The following CCSER1 variants were observed in gnomAD, a reference collection of about 807,000 sequenced individuals.
CCSER1 encodes the protein serine-rich coiled-coil domain-containing protein 1.
Under a neutral mutation model 82.0 loss-of-function variants are expected in CCSER1, and 41 were observed. That is an observed-to-expected ratio of 0.50 (90% CI 0.39 to 0.65). The LOEUF is 0.65. Among genes scored for constraint, CCSER1 ranks in the 30% least tolerant of loss-of-function variants. The pLI is 0.00. For missense variants in CCSER1, 1,119 were observed against 1,064.2 expected (o/e 1.05, Z -0.72); for synonymous variants, 414 against 383.9 (o/e 1.08, Z -0.92).
chr4:91,181,420 G>A (rs1378674180), intron 10 of CCSER1, among the ~76,000 whole-genome samples: 1 of 152,162 alleles, frequency 6.6e-6, no homozygotes, highest in Non-Finnish European at 1.5e-5. Flanking sequence ...CCAGTTCCTG[G>A]CATTAAGGTC....
chr4:91,422,350 G>A (rs760347687), intron 10 of CCSER1, among the ~76,000 whole-genome samples: 10 of 152,014 alleles, frequency 6.6e-5, no homozygotes, highest in South Asian at 2.1e-4. Flanking sequence ...TCACACCACA[G>A]CACAGGGATC....
chr4:91,309,780 T>A (rs1745332557), intron 10 of CCSER1, among the ~76,000 whole-genome samples: 1 of 152,002 alleles, frequency 6.6e-6, no homozygotes, highest in Non-Finnish European at 1.5e-5. Context: ...CTTAGGTTTA[T>A]GAGGAATATC....
chr4:91,305,833 T>C (rs1031615724), intron 10 of CCSER1, among the ~76,000 whole-genome samples: 1 of 151,946 alleles, frequency 6.6e-6, no homozygotes, highest in African/African-American at 2.4e-5. Flanking sequence ...AGGCGCCTCT[T>C]ACACGGCAGC....
chr4:90,729,647 G>T (rs1004686656), intron 7 of CCSER1, among the ~76,000 whole-genome samples: 2 of 152,096 alleles, frequency 1.3e-5, no homozygotes, highest in Non-Finnish European at 2.9e-5. Flanking sequence ...AGGCTGAGGC[G>T]GTTGGATCAC....
intron 6 of CCSER1, among the ~76,000 whole-genome samples, chr4:90,654,017 T>C (rs1036793917): frequency 6.6e-6 from 1 of 152,084 alleles, no homozygotes; most frequent in African/African-American, 2.4e-5. Context: ...TGCTACATAC[T>C]TTTAAACCAT....
intron 5 of CCSER1, among the ~76,000 whole-genome samples, chr4:90,476,119 A>G (rs1250170710): frequency 6.6e-6 from 1 of 151,958 alleles, no homozygotes; most frequent in Non-Finnish European, 1.5e-5. Context: ...GGGCTCACAT[A>G]ACCTGGATTT....
chr4:91,122,020 C>T (rs1037217221), intron 10 of CCSER1, among the ~76,000 whole-genome samples: 1 of 151,622 alleles, frequency 6.6e-6, no homozygotes, highest in African/African-American at 2.4e-5. Context: ...GAAGAAATTA[C>T]TTTTGTGATT....
At chr4:91,192,947 A>T (rs144199753) in intron 10 of CCSER1, among the ~76,000 whole-genome samples, 1 of 152,158 alleles carries the variant, frequency 6.6e-6, no homozygotes, top group Non-Finnish European at 1.5e-5. Context: ...CATTTCCCTC[A>T]TGTCAACCTC....
chr4:90,304,707 G>T (rs1733899366), intron 1 of CCSER1, among the ~76,000 whole-genome samples: 1 of 151,982 alleles, frequency 6.6e-6, no homozygotes, highest in Non-Finnish European at 1.5e-5. Context: ...TAGATGACAA[G>T]TTAATGGGTG....
At position 91,603,163 on chromosome 4, in the gene CCSER1, G is replaced by A. The variant is rs568966601; in HGVS notation, c.*4106G>A. ...TTAAGACTGGTCATTTTTTTAAAAA[G>A]CTGAATTACACTGTAGTATAAAAGC... is the stretch of plus-strand genomic sequence containing the variant. On this transcript the variant is annotated 3_prime_UTR_variant, in exon 11 of 11. Transcript: ENST00000509176. 6.6e-6 allele frequency: 1 copy of A among 152,108 alleles called. No individual in the cohort carries two copies. Among genetic ancestry groups the A allele is most frequent in the South Asian group, 2.1e-4 (1 of 4,828 alleles). The allele number at this position is 152,108 out of a possible 1,614,324, so 9.4% of individuals were successfully genotyped here.
At chr4:91,450,296 GA>G (rs1212533716) in intron 10 of CCSER1, among the ~76,000 whole-genome samples, 6 of 151,450 alleles carry the variant, frequency 4.0e-5, no homozygotes, top group East Asian at 3.9e-4. Flanking sequence ...TCATTCATGG[GA>G]AAAAAAACCA....
chr4:91,384,486 A>ATTTT lies in CCSER1; in HGVS notation c.2218-214086_2218-214085insTTTT, dbSNP rs1751147381. ...AACAGTCAAAAATCTTTTTTTTTAA[A>ATTTT]AAAATAAATGCTGTTAGGATAACAA... On this transcript the variant is annotated intron_variant, in intron 10 of 10. Coordinates refer to ENST00000509176, the MANE Select transcript of CCSER1 (RefSeq NM_001145065.2). 9.2e-5 allele frequency among the ~76,000 whole-genome samples: 14 copies of ATTTT among 152,044 alleles called. 1 individual carries two copies. The South Asian group carries it at 2.9e-3, about 31-fold the overall frequency.
In CCSER1 at chr4:91,533,035, C is replaced by A. The variant is rs557227230; in HGVS notation, c.2218-65537C>A. Among the ~76,000 whole-genome samples, 7 of 152,168 alleles carry A rather than the reference C, an allele frequency of 4.6e-5. No individual in the cohort carries two copies. In the South Asian group the frequency reaches 1.5e-3, roughly 32 times the overall value. ...TTCACTGAAGAAGCATTGTTATCTA[C>A]CTATTACATGCTGTACATTAGGCAC... On this transcript the variant is annotated intron_variant, in intron 10 of 10. Coordinates refer to ENST00000509176, the MANE Select transcript of CCSER1 (RefSeq NM_001145065.2).
chr4:90,647,574 G>A (rs1727818567), intron 6 of CCSER1, among the ~76,000 whole-genome samples: 1 of 152,068 alleles, frequency 6.6e-6, no homozygotes, highest in Non-Finnish European at 1.5e-5. Context: ...TAAAATGAGT[G>A]AAATAGGATG....
intron 1 of CCSER1, among the ~76,000 whole-genome samples, chr4:90,157,282 C>G (rs1404809468): frequency 6.6e-6 from 1 of 152,160 alleles, no homozygotes; most frequent in Non-Finnish European, 1.5e-5. Flanking sequence ...AGTAACCCGA[C>G]CTTTCTCTCT....
chr4:90,204,407 A>C (rs144342641), intron 1 of CCSER1, among the ~76,000 whole-genome samples: 1 of 152,126 alleles, frequency 6.6e-6, no homozygotes, highest in Non-Finnish European at 1.5e-5. Context: ...AATTTTCTGC[A>C]TATGGCTAGC....
intron 3 of CCSER1, among the ~76,000 whole-genome samples, chr4:90,336,642 A>G (rs960347627): frequency 6.6e-6 from 1 of 152,182 alleles, no homozygotes; most frequent in Non-Finnish European, 1.5e-5. Flanking sequence ...CCTTGAGGAT[A>G]TGTGTCCTAG....
At chr4:90,907,741 T>C (rs1385465155) in intron 8 of CCSER1, among the ~76,000 whole-genome samples, 3 of 152,146 alleles carry the variant, frequency 2.0e-5, no homozygotes, top group African/African-American at 7.2e-5. Context: ...TGTTTTTTTT[T>C]CTTACTTTCT....
intron 8 of CCSER1, among the ~76,000 whole-genome samples, chr4:90,921,956 A>T (rs1728447441): frequency 6.6e-6 from 1 of 151,912 alleles, no homozygotes; most frequent in Admixed American, 6.6e-5. Flanking sequence ...AGATAAATAC[A>T]TTTTTTTCTC....
Sources: gnomAD v4.1 joint callset for allele counts (sites outside exome capture counted in the v4.1 genomes callset) on GRCh38, gnomAD v4.1.1 for gene constraint, MANE v1.5 for transcripts, NCBI Gene and HGNC (gene_info 2026-07-23, HGNC 2026-07-21) for gene names.